Variants in MTCL2 observed in about 807,000 individuals in gnomAD.
The protein encoded by MTCL2 is microtubule crosslinking factor 2, also known as microtubule cross-linking factor 2.
chr20:36,815,782 C>T, the MTCL2 span: 1 of 1,591,284 alleles, frequency 6.3e-7, no homozygotes, highest in South Asian at 1.1e-5. The surrounding 1 kb of genome is among the most constrained non-coding windows in gnomAD (Gnocchi z 5.3). Context: ...AGCGCCACGT[C>T]CAGCTCGTGC....
the MTCL2 span, among the ~76,000 whole-genome samples, chr20:36,824,960 GAC>G: frequency 1.4e-5 from 2 of 147,834 alleles, no homozygotes; most frequent in South Asian, 4.3e-4. Context: ...TTTTTTTTGA[GAC>G]AGAGTCTCGC....
chr20:36,830,729 A>G, the MTCL2 span, among the ~76,000 whole-genome samples: 1 of 152,154 alleles, frequency 6.6e-6, no homozygotes, highest in African/African-American at 2.4e-5. Context: ...CAGTCTCCTC[A>G]ACTATAAAAT....
chr20:36,856,809 CT>C, the MTCL2 span, among the ~76,000 whole-genome samples: 17 of 152,338 alleles, frequency 1.1e-4, no homozygotes, highest in Non-Finnish European at 1.6e-4. Flanking sequence ...CCAGGATTTC[CT>C]GTTTCTGTGT....
chr20:36,815,492 G>A, the MTCL2 span: 19 of 1,588,046 alleles, frequency 1.2e-5, no homozygotes, highest in Non-Finnish European at 1.6e-5. This position sits in a 1 kb window ranked among gnomAD's most constrained non-coding sequence, Gnocchi z 5.3. Context: ...GCAGCACCTC[G>A]GCCTCCCTGG....
At chr20:36,836,594 T>C in the MTCL2 span, among the ~76,000 whole-genome samples, 1 of 152,024 alleles carries the variant, frequency 6.6e-6, no homozygotes, top group Non-Finnish European at 1.5e-5. Flanking sequence ...TCCATCCGCC[T>C]CGGCCTGCCA....
At chr20:36,843,244 T>G in the MTCL2 span, among the ~76,000 whole-genome samples, 1 of 152,194 alleles carries the variant, frequency 6.6e-6, no homozygotes, top group South Asian at 2.1e-4. Flanking sequence ...GTCAGCCTGG[T>G]AGGATGGCTC....
the MTCL2 span, chr20:36,782,167 C>G: frequency 6.6e-6 from 1 of 152,144 alleles, no homozygotes; most frequent in East Asian, 1.9e-4. Context: ...CATGCAAATT[C>G]AAGGTGGGGC....
At chr20:36,803,449 C>A in the MTCL2 span, among the ~76,000 whole-genome samples, 1 of 152,060 alleles carries the variant, frequency 6.6e-6, no homozygotes, top group Middle Eastern at 3.2e-3. Context: ...AGGGAATGTG[C>A]AACCTTTAGA....
chr20:36,851,565 C>A, the MTCL2 span, among the ~76,000 whole-genome samples: 1 of 152,238 alleles, frequency 6.6e-6, no homozygotes. Context: ...CCCTGCCCCC[C>A]ATCTCTGCCC....
chr20:36,815,256 C>T, the MTCL2 span: 7 of 1,613,852 alleles, frequency 4.3e-6, no homozygotes, highest in South Asian at 4.4e-5. The surrounding 1 kb of genome is among the most constrained non-coding windows in gnomAD (Gnocchi z 5.3). Flanking sequence ...ATCTGCCTTC[C>T]GCGTGAAGGC....
At chr20:36,797,211 TG>T in the MTCL2 span, among the ~76,000 whole-genome samples, 1 of 152,122 alleles carries the variant, frequency 6.6e-6, no homozygotes, top group Non-Finnish European at 1.5e-5. Flanking sequence ...AATCCAAATG[TG>T]GTGACTGCAA....
chr20:36,859,917 A>G, the MTCL2 span: 1 of 1,225,930 alleles, frequency 8.2e-7, no homozygotes, highest in Non-Finnish European at 1.0e-6. Context: ...CAGCCTAGCG[A>G]CCCTGCTCTG....
the MTCL2 span, chr20:36,793,999 C>T: frequency 3.2e-6 from 5 of 1,551,648 alleles, no homozygotes; most frequent in Non-Finnish European, 4.4e-6. This position sits in a 1 kb window ranked among gnomAD's most constrained non-coding sequence, Gnocchi z 6.8. Context: ...CTTTCCTCTC[C>T]AGTGAGCCGG....
the MTCL2 span, chr20:36,804,614 G>A: frequency 3.0e-6 from 4 of 1,350,952 alleles, no homozygotes; most frequent in South Asian, 2.7e-5. Flanking sequence ...CTGGGCCACA[G>A]GTGAAGCAAC....
the MTCL2 span, among the ~76,000 whole-genome samples, chr20:36,821,383 C>T: frequency 6.6e-6 from 1 of 151,982 alleles, no homozygotes; most frequent in East Asian, 1.9e-4. Context: ...AAAAAATTAG[C>T]CGGGCATGGT....
the MTCL2 span, chr20:36,829,001 T>G: frequency 2.2e-4 from 329 of 1,473,440 alleles, 1 homozygote; most frequent in African/African-American, 4.1e-3. Flanking sequence ...TGGGGGGGCT[T>G]GCATGTGCCC....
At chr20:36,796,829 C>A in the MTCL2 span, 1 of 1,576,740 alleles carries the variant, frequency 6.3e-7, no homozygotes, top group Non-Finnish European at 8.7e-7. Flanking sequence ...TGGAGAGGGG[C>A]GAGGCTGTGG....
the MTCL2 span, among the ~76,000 whole-genome samples, chr20:36,827,976 T>G: frequency 6.6e-6 from 1 of 152,118 alleles, no homozygotes; most frequent in African/African-American, 2.4e-5. Flanking sequence ...TGAGAGGGCA[T>G]TGGCACATCA....
the MTCL2 span, among the ~76,000 whole-genome samples, chr20:36,830,202 G>GCACAAAA: frequency 6.6e-6 from 1 of 151,930 alleles, no homozygotes; most frequent in African/African-American, 2.4e-5. Context: ...AAAGCCTGTG[G>GCACAAAA]GAGGGCCAGA....
Sources: gnomAD v4.1 joint callset for allele counts (sites outside exome capture counted in the v4.1 genomes callset) on GRCh38, gnomAD v4.1.1 for gene constraint, Gnocchi (gnomAD v3.1) non-coding constraint, MANE v1.5 for transcripts, NCBI Gene and HGNC (gene_info 2026-07-23, HGNC 2026-07-21) for gene names.